Variants in IRAG1 observed in about 807,000 individuals in gnomAD.
IRAG1 encodes the protein inositol 1,4,5-triphosphate receptor associated 1.
Under a neutral mutation model 106.2 loss-of-function variants are expected in IRAG1, and 62 were observed. The ratio of observed to expected loss-of-function variants is 0.58; its 90% CI spans 0.48 to 0.72. The LOEUF (loss-of-function observed/expected upper bound fraction) is 0.72, where lower values mean the gene tolerates loss of function less well. Ranked by LOEUF, IRAG1 falls within the 30% of genes least tolerant of loss-of-function variation. The probability of loss-of-function intolerance (pLI) is 0.00; values close to 1 mark genes in which losing one functional copy is unlikely to be tolerated. For missense variants in IRAG1, 1,064 were observed against 1,140.7 expected, an observed-to-expected ratio of 0.93 and a Z score of 0.97; for synonymous variants, 462 against 443.9, an observed-to-expected ratio of 1.04 and a Z score of -0.51.
At chr11:10,684,554 ATATG>A (rs1861514162) in intron 1 of IRAG1, among the ~76,000 whole-genome samples, 1 of 150,990 alleles carries the variant, frequency 6.6e-6, no homozygotes, top group African/African-American at 2.4e-5. Context: ...ACATGTATAC[ATATG>A]TAACTAACCT....
intron 11 of IRAG1, 127 bp downstream of exon 11, chr11:10,609,601 C>A (rs534638405): frequency 1.3e-5 from 14 of 1,119,328 alleles, no homozygotes; most frequent in Non-Finnish European, 1.6e-5. Flanking sequence ...TTATCCCTAT[C>A]TAGACAATTG....
At chr11:10,576,603 C>T (rs751899691) in intron 20 of IRAG1, 28 bp from the exon 21 acceptor site, 1 of 1,612,824 alleles carries the variant, frequency 6.2e-7, no homozygotes, top group Non-Finnish European at 8.5e-7. Flanking sequence ...TATGCAGAGG[C>T]TTTAGTATAC....
At chr11:10,679,261 A>G (rs746317816) in intron 1 of IRAG1, among the ~76,000 whole-genome samples, 20 of 152,234 alleles carry the variant, frequency 1.3e-4, no homozygotes, top group Non-Finnish European at 2.5e-4. Flanking sequence ...CATTAGGTAC[A>G]TTCGCAATGT....
chr11:10,573,219 C>T lies in IRAG1; in HGVS notation c.*3113G>A, dbSNP rs1258774790. On this transcript the variant is annotated 3_prime_UTR_variant, in exon 21 of 21. Coordinates refer to ENST00000423302, the MANE Select transcript of IRAG1 (RefSeq NM_130385.4). Reference sequence around the variant, plus strand: ...CCAGTGATACACAAATCCAGCACTTCCTCTCCATTTACTCTGTCAGGCTGT... The same window carrying T: ...CCAGTGATACACAAATCCAGCACTTTCTCTCCATTTACTCTGTCAGGCTGT... The T allele has an allele frequency of 6.6e-6, 1 of 152,248 alleles. No individual in the cohort carries two copies. Among genetic ancestry groups the T allele is most frequent in the Non-Finnish European group, 1.5e-5 (1 of 68,046 alleles). The allele number at this position is 152,248 out of a possible 1,614,324, so 9.4% of individuals were successfully genotyped here.
chr11:10,593,693 T>C lies in IRAG1; in HGVS notation c.2068-94A>G, dbSNP rs571549447. The C allele has an allele frequency of 2.4e-5, 22 of 919,590 alleles. No individual in the cohort carries two copies. The East Asian group carries it at 5.4e-4, about 22-fold the overall frequency. The allele number at this position is 919,590 out of a possible 1,614,324, so 57.0% of individuals were successfully genotyped here. A position where few individuals can be genotyped will look rare whatever the true frequency, so the allele number is the denominator to read the frequency against. On this transcript the variant is annotated intron_variant, in intron 16 of 20. Transcript: ENST00000423302. Reference sequence around the variant, plus strand: ...GAAAAAGCCTCCTCATTTCTAATGCTGTAATGGCATTCACTGGATATTTTG... The same window carrying C: ...GAAAAAGCCTCCTCATTTCTAATGCCGTAATGGCATTCACTGGATATTTTG...
chr11:10,684,202 C>T (rs968937685), intron 1 of IRAG1, among the ~76,000 whole-genome samples: 2 of 152,144 alleles, frequency 1.3e-5, no homozygotes, highest in African/African-American at 4.8e-5. Context: ...GACTTGGAAT[C>T]AACCCAAATG....
Position 10,600,888 on chromosome 11 carries a change from C to G in IRAG1, c.2017+30G>C, listed in dbSNP as rs749201445. 5 of 1,613,106 alleles carry G rather than the reference C, an allele frequency of 3.1e-6. No individual in the cohort carries two copies. In the South Asian group the frequency reaches 5.5e-5, roughly 18 times the overall value. Reference sequence around the variant, plus strand: ...GCTCTTGGAAGTCCACCTTGTAGGGCCAAGATGGGGCAGGAGCCTAGGTCC... The same window carrying G: ...GCTCTTGGAAGTCCACCTTGTAGGGGCAAGATGGGGCAGGAGCCTAGGTCC... On this transcript the variant is annotated intron_variant, in intron 15 of 20. Coordinates refer to ENST00000423302, the MANE Select transcript of IRAG1 (RefSeq NM_130385.4).
chr11:10,661,867 G>A (rs919448266), intron 1 of IRAG1, among the ~76,000 whole-genome samples: 43 of 152,286 alleles, frequency 2.8e-4, no homozygotes, highest in African/African-American at 1.0e-3. Context: ...GACATCTTGG[G>A]GAGGGGGGAG....
chr11:10,576,911 G>T (rs548047270), intron 20 of IRAG1, among the ~76,000 whole-genome samples: 59 of 152,300 alleles, frequency 3.9e-4, no homozygotes, highest in Non-Finnish European at 6.8e-4. Flanking sequence ...TATTCACGGG[G>T]TGATTACTGA....
intron 1 of IRAG1, among the ~76,000 whole-genome samples, chr11:10,663,506 T>C (rs1344196407): frequency 6.6e-6 from 1 of 152,164 alleles, no homozygotes; most frequent in Non-Finnish European, 1.5e-5. Flanking sequence ...TCCTATGTGT[T>C]AGGTACTGTG....
chr11:10,627,636 G>A, intron 8 of IRAG1, 80 bp downstream of exon 8: 2 of 1,517,464 alleles, frequency 1.3e-6, no homozygotes. Context: ...CTTGAAGGCT[G>A]CCCAGGAGCC....
intron 10 of IRAG1, among the ~76,000 whole-genome samples, chr11:10,622,943 C>T: frequency 6.9e-6 from 1 of 143,896 alleles, no homozygotes; most frequent in East Asian, 2.3e-4. Flanking sequence ...TAATAGCTGA[C>T]ACCTAGATAA....
At chr11:10,624,781 G>T (rs976491070) in intron 9 of IRAG1, among the ~76,000 whole-genome samples, 1 of 152,154 alleles carries the variant, frequency 6.6e-6, no homozygotes, top group Non-Finnish European at 1.5e-5. Context: ...CAGGGTAGTG[G>T]TTAGTGACAT....
chr11:10,658,411 C>T (rs1859106935), intron 1 of IRAG1: 1 of 152,314 alleles, frequency 6.6e-6, no homozygotes, highest in South Asian at 2.1e-4. Flanking sequence ...ACGATTAAAT[C>T]AGGAAATACA....
At chr11:10,592,791 A>G (rs1485055938) in intron 17 of IRAG1, among the ~76,000 whole-genome samples, 1 of 152,212 alleles carries the variant, frequency 6.6e-6, no homozygotes, top group African/African-American at 2.4e-5. Context: ...CTATTTTACC[A>G]TTGCCTAGAG....
At chr11:10,642,957 G>A (rs1038573383) in intron 2 of IRAG1, among the ~76,000 whole-genome samples, 6 of 152,204 alleles carry the variant, frequency 3.9e-5, no homozygotes, top group Admixed American at 2.0e-4. Flanking sequence ...GGATCACAAG[G>A]TCAGGAGATC....
rs537731194 is a variant in IRAG1, at chr11:10,633,423, G to A, written c.329+545C>T. ...GAAAATTAGACAGTCTCATTTCAGC[G>A]AGCCCAGTTCGTGGGCTAGTGCTCT... is the stretch of plus-strand genomic sequence containing the variant. On this transcript the variant is annotated intron_variant, in intron 3 of 20. Coordinates refer to ENST00000423302, the MANE Select transcript of IRAG1 (RefSeq NM_130385.4). 1.5e-3 allele frequency among the ~76,000 whole-genome samples: 223 copies of A among 152,216 alleles called. 1 individual carries two copies. The highest frequency in any genetic ancestry group is 2.4e-3 in the Non-Finnish European group (165 of 68,012).
At chr11:10,590,450 A>T (rs1002641481) in intron 18 of IRAG1, among the ~76,000 whole-genome samples, 6 of 152,204 alleles carry the variant, frequency 3.9e-5, no homozygotes, top group Non-Finnish European at 7.3e-5. Flanking sequence ...GAGTCTGGAG[A>T]TGGGAGCTTG....
chr11:10,684,171 G>A (rs552870421), intron 1 of IRAG1, among the ~76,000 whole-genome samples: 48 of 152,158 alleles, frequency 3.2e-4, no homozygotes, highest in Admixed American at 1.6e-3. Flanking sequence ...TGTTTATTGC[G>A]GCACTATTCA....
Sources: gnomAD v4.1 joint callset for allele counts (sites outside exome capture counted in the v4.1 genomes callset) on GRCh38, gnomAD v4.1.1 for gene constraint, MANE v1.5 for transcripts, NCBI Gene and HGNC (gene_info 2026-07-23, HGNC 2026-07-21) for gene names.